Variants in ZDHHC11 observed in about 807,000 individuals in gnomAD.
ZDHHC11 encodes the protein zDHHC palmitoyltransferase 11.
ZDHHC11 carries 44 observed loss-of-function variants against 51.3 expected under a neutral mutation model. The observed-to-expected ratio is 0.86, with a 90% CI of 0.67 to 1.10. The LOEUF (loss-of-function observed/expected upper bound fraction) is 1.10, where lower values mean the gene tolerates loss of function less well. Among genes scored for constraint, ZDHHC11 ranks in the 50% least tolerant of loss-of-function variants. ZDHHC11 has a pLI of 0.00. For synonymous variants in ZDHHC11, 163 were observed against 222.0 expected (o/e 0.73, Z 2.36); for missense variants, 400 against 537.7 (o/e 0.74, Z 2.53).
intron 1 of ZDHHC11, 56 bp from the exon 2 acceptor site, chr5:848,716 C>T (rs1402144029): frequency 1.9e-6 from 3 of 1,603,350 alleles, no homozygotes; most frequent in Non-Finnish European, 2.6e-6. Context: ...CACGAGGCGT[C>T]CCCGTGAGGC....
At chr5:823,170 G>A (rs1188184542) in intron 8 of ZDHHC11, among the ~76,000 whole-genome samples, 1 of 151,094 alleles carries the variant, frequency 6.6e-6, no homozygotes, top group East Asian at 1.9e-4. Flanking sequence ...TAGTGTTTTT[G>A]GTATCTATCA....
At chr5:841,011 C>T (rs1044689147) in intron 4 of ZDHHC11, 1 of 1,236,902 alleles carries the variant, frequency 8.1e-7, no homozygotes, top group Non-Finnish European at 1.0e-6. Flanking sequence ...GGTCACAGCG[C>T]CCACCCCCCT....
intron 6 of ZDHHC11, among the ~76,000 whole-genome samples, chr5:836,717 A>T (rs1211562457): frequency 7.4e-5 from 11 of 149,494 alleles, no homozygotes; most frequent in Non-Finnish European, 4.5e-5. Flanking sequence ...AGTTAGTTAT[A>T]ATAATTCATG....
At chr5:818,856 A>G (rs1741187769) in intron 10 of ZDHHC11, among the ~76,000 whole-genome samples, 1 of 151,358 alleles carries the variant, frequency 6.6e-6, no homozygotes, top group Admixed American at 6.6e-5. Flanking sequence ...GTGAGATCCC[A>G]TCTCCAAAAA....
intron 10 of ZDHHC11, chr5:816,577 T>C: frequency 1.6e-6 from 1 of 614,590 alleles, no homozygotes; most frequent in Non-Finnish European, 3.2e-6. Flanking sequence ...AGAATTTTTG[T>C]CTAATTGACG....
At chr5:852,383 C>T (rs1018674443), upstream of ZDHHC11, among the ~76,000 whole-genome samples, 6 of 152,228 alleles carry the variant, frequency 3.9e-5, no homozygotes, top group African/African-American at 1.4e-4. Context: ...CACTGAAGAA[C>T]TTTGAGAAGA....
upstream of ZDHHC11, among the ~76,000 whole-genome samples, chr5:855,916 G>A (rs563981782): frequency 7.9e-5 from 12 of 151,048 alleles, no homozygotes; most frequent in South Asian, 1.5e-3. Flanking sequence ...AGACCCCACC[G>A]AGGACAGCGA....
intron 6 of ZDHHC11, among the ~76,000 whole-genome samples, chr5:834,584 G>A: frequency 6.6e-6 from 1 of 152,388 alleles, no homozygotes; most frequent in South Asian, 2.1e-4. Context: ...CTGGACATCA[G>A]TCTAAGACTT....
chr5:860,097 GTC>G (rs1748712606), upstream of ZDHHC11, among the ~76,000 whole-genome samples: 1 of 152,192 alleles, frequency 6.6e-6, no homozygotes, highest in South Asian at 2.1e-4. The surrounding 1 kb of genome is among the most constrained non-coding windows in gnomAD (Gnocchi z 4.2). Flanking sequence ...TGGACATCTT[GTC>G]TGTCAGGGGC....
chr5:843,995 C>G (rs1745644734), intron 3 of ZDHHC11, among the ~76,000 whole-genome samples: 3 of 34,668 alleles, frequency 8.7e-5, no homozygotes, highest in African/African-American at 3.7e-4. Context: ...CGCAGGGCAT[C>G]TGGGGCAGGG....
chr5:825,458 G>A (rs1474232819), intron 7 of ZDHHC11, among the ~76,000 whole-genome samples: 1 of 152,110 alleles, frequency 6.6e-6, no homozygotes, highest in African/African-American at 2.4e-5. Flanking sequence ...TCGTGTAAAG[G>A]ACCATGACTC....
intron 1 of ZDHHC11, among the ~76,000 whole-genome samples, chr5:858,825 T>C (rs1043329813): frequency 2.0e-5 from 3 of 152,030 alleles, no homozygotes; most frequent in Non-Finnish European, 2.9e-5. Flanking sequence ...GTGCAGGGAT[T>C]GCATCTGCCT....
chr5:825,789 C>T (rs1341968308), intron 7 of ZDHHC11, among the ~76,000 whole-genome samples: 1 of 152,386 alleles, frequency 6.6e-6, no homozygotes, highest in East Asian at 1.9e-4. Flanking sequence ...GGCCAGTCAG[C>T]TCAGGACATG....
intron 4 of ZDHHC11, among the ~76,000 whole-genome samples, chr5:842,915 C>G (rs1388501338): frequency 1.3e-5 from 2 of 152,270 alleles, no homozygotes; most frequent in Non-Finnish European, 2.9e-5. Context: ...CTGTGTCTCT[C>G]CTTTCTCTTA....
intron 11 of ZDHHC11, among the ~76,000 whole-genome samples, chr5:804,215 A>C (rs1202128736): frequency 6.6e-6 from 1 of 151,072 alleles, no homozygotes; most frequent in African/African-American, 2.4e-5. Flanking sequence ...TGTAGTTCTC[A>C]GTAGCATGAT....
At chr5:824,031 T>C (rs1455678713) in intron 8 of ZDHHC11, 2 of 454,446 alleles carry the variant, frequency 4.4e-6, no homozygotes, top group Non-Finnish European at 8.9e-6. Flanking sequence ...GGCTGATCCC[T>C]TTTTATTTCC....
At position 796,136 on chromosome 5, in the gene ZDHHC11, T is replaced by C. The variant is rs201381807; in HGVS notation, c.*452A>G. ...CCCATTTCCCAGTACTGTGCTCCCA[T>C]TTCCCAGTACTGTGCTCCCATTTCC... On this transcript the variant is annotated 3_prime_UTR_variant, in exon 13 of 13. Coordinates refer to ENST00000283441, the MANE Select transcript of ZDHHC11 (RefSeq NM_024786.3). 739 of 157,604 alleles carry C rather than the reference T, an allele frequency of 4.7e-3. 6 individuals carry two copies. The highest frequency in any genetic ancestry group is 7.9e-3 in the Non-Finnish European group (552 of 69,974). 9.8% of individuals were successfully genotyped at this position (157,604 alleles called of 1,614,324 possible).
chr5:820,208 T>G (rs977255955), intron 9 of ZDHHC11, among the ~76,000 whole-genome samples: 13 of 151,428 alleles, frequency 8.6e-5, no homozygotes, highest in Non-Finnish European at 1.8e-4. Flanking sequence ...TGTATTTTAC[T>G]TAAAAGACCA....
At position 801,194 on chromosome 5, in the gene ZDHHC11, C is replaced by T. The variant is rs375760590; in HGVS notation, c.1182-30G>A. ...TTGCAATATTCAGAAAGAGAAACAA[C>T]AGAGAACGTATGATGTAATACTTGT... On this transcript the variant is annotated intron_variant, in intron 11 of 12. Coordinates refer to ENST00000283441, the MANE Select transcript of ZDHHC11 (RefSeq NM_024786.3). 45 of 1,608,652 alleles carry T rather than the reference C, an allele frequency of 2.8e-5. 2 individuals are homozygous for T. In the African/African-American group the frequency reaches 4.8e-4, roughly 17 times the overall value.
Sources: gnomAD v4.1 joint callset for allele counts (sites outside exome capture counted in the v4.1 genomes callset) on GRCh38, gnomAD v4.1.1 for gene constraint, Gnocchi (gnomAD v3.1) non-coding constraint, MANE v1.5 for transcripts, NCBI Gene and HGNC (gene_info 2026-07-23, HGNC 2026-07-21) for gene names.